LRRC37A2: variants seen among roughly 807,000 people sequenced by gnomAD.
LRRC37A2 encodes the protein leucine rich repeat containing 37 member A2.
LRRC37A2 carries 9 observed loss-of-function variants against 68.8 expected under a neutral mutation model. The ratio of observed to expected loss-of-function variants is 0.13; its 90% CI spans 0.08 to 0.23. The LOEUF (loss-of-function observed/expected upper bound fraction) is 0.23, where lower values mean the gene tolerates loss of function less well. Among genes scored for constraint, LRRC37A2 ranks in the 10% least tolerant of loss-of-function variants. LRRC37A2 has a pLI of 1.00. For missense variants in LRRC37A2, 168 were observed against 950.4 expected, an observed-to-expected ratio of 0.18 and a Z score of 10.82; for synonymous variants, 63 against 367.6, an observed-to-expected ratio of 0.17 and a Z score of 9.48.
chr17:46,906,598 T>C, the LRRC37A2 span, among the ~76,000 whole-genome samples: 1 of 152,150 alleles, frequency 6.6e-6, no homozygotes, highest in Non-Finnish European at 1.5e-5. Context: ...AATTTAATTT[T>C]ATTTAATATA....
the LRRC37A2 span, among the ~76,000 whole-genome samples, chr17:46,611,976 TTA>T: frequency 2.0e-5 from 2 of 101,610 alleles, no homozygotes; most frequent in Non-Finnish European, 3.8e-5. Context: ...TATATATATT[TTA>T]TATATATGTT....
the LRRC37A2 span, among the ~76,000 whole-genome samples, chr17:46,499,176 G>A: frequency 2.1e-5 from 3 of 144,374 alleles, 1 homozygote; most frequent in East Asian, 2.1e-4. Flanking sequence ...TTAGCCGGGT[G>A]TGGTGGTGGG....
intron 6 of LRRC37A2, among the ~76,000 whole-genome samples, chr17:46,534,220 G>T (rs1205982681): frequency 1.4e-5 from 2 of 147,304 alleles, no homozygotes; most frequent in Non-Finnish European, 3.0e-5. Context: ...TTTTTTTATT[G>T]ATCATTCTTG....
the LRRC37A2 span, among the ~76,000 whole-genome samples, chr17:46,772,769 C>A: frequency 6.6e-6 from 1 of 151,968 alleles, no homozygotes; most frequent in Admixed American, 6.5e-5. Flanking sequence ...GCTTCCCCCC[C>A]AACCCCACCC....
the LRRC37A2 span, among the ~76,000 whole-genome samples, chr17:46,573,164 G>A: frequency 1.9e-5 from 1 of 52,716 alleles, no homozygotes; most frequent in Non-Finnish European, 4.4e-5. Context: ...AGAGACACTC[G>A]TTACATTGCA....
At position 46,513,822 on chromosome 17, in the gene LRRC37A2, TA is replaced by T. The variant is rs1375046635; in HGVS notation, c.1111del (p.Arg371GlyfsTer35). 2.1e-4 allele frequency: 3 copies of T among 14,622 alleles called. No homozygotes were observed. Among genetic ancestry groups the T allele is most frequent in the East Asian group, 1.3e-3 (3 of 2,348 alleles). 0.9% of individuals were successfully genotyped at this position (14,622 alleles called of 1,614,324 possible). On this transcript the variant is annotated frameshift_variant, in exon 2 of 15. Transcript: ENST00000576629. LOFTEE classifies it high-confidence loss of function. ...AGCCAGTTCAGCCTTCTGAGTCTCC[TA>T]GGGAGGTCGAATCTTCTCCGACCCA...
chr17:46,984,641 C>T, the LRRC37A2 span, among the ~76,000 whole-genome samples: 13 of 152,210 alleles, frequency 8.5e-5, 1 homozygote, highest in Admixed American at 8.5e-4. Context: ...CTCTGGCATG[C>T]CTGAGCCATC....
At chr17:46,614,021 ATAAGT>A in the LRRC37A2 span, among the ~76,000 whole-genome samples, 294 of 44,582 alleles carry the variant, frequency 6.6e-3, 1 homozygote, top group Middle Eastern at 0.016. Context: ...ACGCAGAAAA[ATAAGT>A]TAAAGATAGA....
chr17:46,768,751 C>G, the LRRC37A2 span: 1 of 1,614,094 alleles, frequency 6.2e-7, no homozygotes, highest in Non-Finnish European at 8.5e-7. The surrounding 1 kb of genome is among the most constrained non-coding windows in gnomAD (Gnocchi z 5.0). Context: ...TCACAGCTGC[C>G]CGACAGCCCG....
At chr17:46,716,356 A>C in the LRRC37A2 span, among the ~76,000 whole-genome samples, 2 of 150,876 alleles carry the variant, frequency 1.3e-5, no homozygotes. Flanking sequence ...TCCCGGGTTC[A>C]TGCCATTCTC....
chr17:46,808,456 C>T, the LRRC37A2 span, among the ~76,000 whole-genome samples: 3 of 152,138 alleles, frequency 2.0e-5, no homozygotes, highest in Non-Finnish European at 2.9e-5. Context: ...ATTTTTACCC[C>T]AATAACAAGT....
chr17:46,525,675 C>A (rs2052644822), intron 6 of LRRC37A2, among the ~76,000 whole-genome samples: 1 of 119,878 alleles, frequency 8.3e-6, no homozygotes. Context: ...ATTATGTAGG[C>A]AACACCAGGA....
the LRRC37A2 span, among the ~76,000 whole-genome samples, chr17:46,761,296 G>C: frequency 1.3e-5 from 2 of 151,702 alleles, no homozygotes; most frequent in African/African-American, 4.9e-5. Context: ...TCCACCATAG[G>C]CGGCTCATGG....
At chr17:46,707,678 T>C in the LRRC37A2 span, among the ~76,000 whole-genome samples, 1 of 152,186 alleles carries the variant, frequency 6.6e-6, no homozygotes, top group Non-Finnish European at 1.5e-5. Flanking sequence ...CATAATGTCC[T>C]CAAGGGTCAA....
At chr17:46,836,562 T>C in the LRRC37A2 span, among the ~76,000 whole-genome samples, 1 of 152,250 alleles carries the variant, frequency 6.6e-6, no homozygotes, top group African/African-American at 2.4e-5. Flanking sequence ...CATTGTAATG[T>C]CAATTTCTGA....
chr17:46,999,718 G>A, the LRRC37A2 span, among the ~76,000 whole-genome samples: 1 of 151,926 alleles, frequency 6.6e-6, no homozygotes, highest in South Asian at 2.1e-4. Context: ...AGTGCTGTCA[G>A]CCTGGAACTA....
chr17:46,876,287 G>C, the LRRC37A2 span: 1 of 1,613,926 alleles, frequency 6.2e-7, no homozygotes, highest in Non-Finnish European at 8.5e-7. Flanking sequence ...GTGCCATGGC[G>C]TATCAGGCTC....
At chr17:47,029,362 C>T in the LRRC37A2 span, among the ~76,000 whole-genome samples, 1 of 152,114 alleles carries the variant, frequency 6.6e-6, no homozygotes. Flanking sequence ...ACCATAATTG[C>T]AAAAATTCTA....
At chr17:46,973,102 A>G in the LRRC37A2 span, 2 of 152,914 alleles carry the variant, frequency 1.3e-5, no homozygotes, top group Non-Finnish European at 3.0e-5. Flanking sequence ...AGTCCTTTTA[A>G]TTAAATGTGT....
Sources: gnomAD v4.1 joint callset for allele counts (sites outside exome capture counted in the v4.1 genomes callset) on GRCh38, gnomAD v4.1.1 for gene constraint, Gnocchi (gnomAD v3.1) non-coding constraint, MANE v1.5 for transcripts, NCBI Gene and HGNC (gene_info 2026-07-23, HGNC 2026-07-21) for gene names.